The following LRP1B variants were observed in gnomAD, a reference collection of about 807,000 sequenced individuals.
The protein encoded by LRP1B is LDL receptor related protein 1B, also known as low-density lipoprotein receptor-related protein 1B.
Under a neutral mutation model 556.6 loss-of-function variants are expected in LRP1B, and 217 were observed. The observed-to-expected ratio is 0.39, with a 90% CI of 0.35 to 0.44. LRP1B has a LOEUF of 0.44. Ranked by LOEUF, LRP1B falls within the 20% of genes least tolerant of loss-of-function variation. The probability of loss-of-function intolerance (pLI) is 1.00; values close to 1 mark genes in which losing one functional copy is unlikely to be tolerated. For missense variants in LRP1B, 5,053 were observed against 5,620.8 expected (o/e 0.90, Z 3.23); for synonymous variants, 2,047 against 1,865.8 (o/e 1.10, Z -2.50).
intron 7 of LRP1B, among the ~76,000 whole-genome samples, chr2:141,071,705 C>T (rs1699648500): frequency 6.6e-6 from 1 of 151,992 alleles, no homozygotes; most frequent in Admixed American, 6.6e-5. Flanking sequence ...TCTTATACAC[C>T]AATAACAGAC....
At chr2:141,156,169 C>A (rs1159804628) in intron 7 of LRP1B, among the ~76,000 whole-genome samples, 1 of 152,096 alleles carries the variant, frequency 6.6e-6, no homozygotes, top group African/African-American at 2.4e-5. Flanking sequence ...AACACATATT[C>A]TCTCTCTCTA....
At chr2:141,204,685 G>T (rs900146773) in intron 6 of LRP1B, among the ~76,000 whole-genome samples, 2 of 152,098 alleles carry the variant, frequency 1.3e-5, no homozygotes, top group East Asian at 1.9e-4. Flanking sequence ...AAGAATGTAA[G>T]AGATGACACT....
intron 21 of LRP1B, among the ~76,000 whole-genome samples, chr2:140,911,188 G>T (rs1247239591): frequency 6.6e-6 from 1 of 151,736 alleles, no homozygotes. Context: ...CTTTTGATGT[G>T]TTGAAAGGGA....
At chr2:141,920,721 T>C (rs912449254) in intron 1 of LRP1B, among the ~76,000 whole-genome samples, 4 of 152,012 alleles carry the variant, frequency 2.6e-5, no homozygotes, top group African/African-American at 7.2e-5. Context: ...AGATACTCCA[T>C]AGATATTGGT....
intron 16 of LRP1B, among the ~76,000 whole-genome samples, chr2:140,991,764 G>A (rs576431894): frequency 2.6e-5 from 4 of 152,222 alleles, no homozygotes; most frequent in African/African-American, 7.2e-5. Context: ...GTAATGGTAA[G>A]CTATGTTGAA....
At chr2:140,859,037 C>G (rs926625793) in intron 27 of LRP1B, among the ~76,000 whole-genome samples, 1 of 152,052 alleles carries the variant, frequency 6.6e-6, no homozygotes, top group Non-Finnish European at 1.5e-5. Flanking sequence ...CCAGGCTGCT[C>G]TTGAACTTGT....
intron 2 of LRP1B, among the ~76,000 whole-genome samples, chr2:141,601,691 T>C (rs1451659148): frequency 6.6e-6 from 1 of 151,374 alleles, no homozygotes; most frequent in Admixed American, 6.6e-5. Context: ...TCACCCAGTC[T>C]GGAGTGCAAT....
intron 47 of LRP1B, among the ~76,000 whole-genome samples, chr2:140,533,766 C>T (rs967604655): frequency 1.3e-5 from 2 of 151,986 alleles, no homozygotes; most frequent in Non-Finnish European, 2.9e-5. Context: ...ATGTCCGAAT[C>T]CAGGAAGGTG....
intron 32 of LRP1B, among the ~76,000 whole-genome samples, chr2:140,799,869 G>C (rs1690445753): frequency 6.6e-6 from 1 of 152,082 alleles, no homozygotes; most frequent in Non-Finnish European, 1.5e-5. Context: ...TCCAACTGAG[G>C]TACCAGGTTC....
At chr2:140,751,174 G>T (rs1236067810) in intron 35 of LRP1B, among the ~76,000 whole-genome samples, 1 of 151,846 alleles carries the variant, frequency 6.6e-6, no homozygotes, top group Admixed American at 6.6e-5. Flanking sequence ...TGTATCTTTA[G>T]TAGAGACGGG....
At chr2:141,524,300 A>G (rs1271939379) in intron 2 of LRP1B, among the ~76,000 whole-genome samples, 1 of 151,520 alleles carries the variant, frequency 6.6e-6, no homozygotes, top group Non-Finnish European at 1.5e-5. Context: ...GCCTAAGAAC[A>G]TGTTATGTTG....
chr2:141,875,401 A>C (rs1698725584), intron 1 of LRP1B, among the ~76,000 whole-genome samples: 1 of 151,912 alleles, frequency 6.6e-6, no homozygotes, highest in Non-Finnish European at 1.5e-5. Flanking sequence ...ACAGGCAAAC[A>C]CTATTTTCTG....
At chr2:141,205,271 A>G (rs537317685) in intron 6 of LRP1B, among the ~76,000 whole-genome samples, 1 of 152,334 alleles carries the variant, frequency 6.6e-6, no homozygotes, top group Non-Finnish European at 1.5e-5. Context: ...GAGTTCAAAA[A>G]AGAATTGATA....
At position 140,923,007 on chromosome 2, in the gene LRP1B, G is replaced by T. The variant is rs760133840; in HGVS notation, c.3277C>A (p.Arg1093=). 2.5e-6 allele frequency: 4 copies of T among 1,612,852 alleles called. No individual in the cohort carries two copies. Among genetic ancestry groups the T allele is most frequent in the Middle Eastern group, 1.6e-4 (1 of 6,074 alleles). ...AACTTGGTTTTGTGGTCACACAATC[G>T]TATGGTACCATTGCAACCTTTTTCA... is the stretch of plus-strand genomic sequence containing the variant. ...SDEKGCNGTI[R]LCDHKTKFSC... is the part of the protein sequence containing the mutation. Residue 1093 remains arginine (R), a synonymous_variant, in exon 21 of 91, where the codon CGA becomes AGA. Coordinates refer to ENST00000389484, the MANE Select transcript of LRP1B (RefSeq NM_018557.3).
intron 2 of LRP1B, among the ~76,000 whole-genome samples, chr2:141,493,181 G>T (rs762602266): frequency 6.6e-6 from 1 of 152,058 alleles, no homozygotes; most frequent in Admixed American, 6.6e-5. Context: ...GAGTTGTAAC[G>T]CTATTATTTG....
chr2:140,451,436 A>T (rs1418396805), intron 62 of LRP1B, among the ~76,000 whole-genome samples: 3 of 152,202 alleles, frequency 2.0e-5, no homozygotes, highest in African/African-American at 7.2e-5. Context: ...ATTTGAATTA[A>T]TTTAATTTAA....
At chr2:141,728,843 C>T (rs373010097) in intron 2 of LRP1B, among the ~76,000 whole-genome samples, 6 of 152,186 alleles carry the variant, frequency 3.9e-5, no homozygotes, top group African/African-American at 1.4e-4. Flanking sequence ...TCCGCTCTCA[C>T]ACGTGATGTT....
At chr2:141,503,230 TATACA>T (rs940598405) in intron 2 of LRP1B, among the ~76,000 whole-genome samples, 4 of 133,246 alleles carry the variant, frequency 3.0e-5, no homozygotes, top group East Asian at 2.2e-4. Flanking sequence ...AGATATACAA[TATACA>T]ATACAATATA....
chr2:140,365,330 T>C (rs1469540344), intron 71 of LRP1B, among the ~76,000 whole-genome samples: 1 of 151,710 alleles, frequency 6.6e-6, no homozygotes, highest in African/African-American at 2.4e-5. Context: ...AGGGTTCTTT[T>C]TAAATAAAAG....
Sources: gnomAD v4.1 joint callset for allele counts (sites outside exome capture counted in the v4.1 genomes callset) on GRCh38, gnomAD v4.1.1 for gene constraint, MANE v1.5 for transcripts, NCBI Gene and HGNC (gene_info 2026-07-23, HGNC 2026-07-21) for gene names.